ANXA11: variants seen among roughly 807,000 people sequenced by gnomAD.
ANXA11 encodes the protein annexin A11.
In ANXA11, 57 loss-of-function variants were observed where a neutral mutation model predicts 64.7. That is an observed-to-expected ratio of 0.88 (90% CI 0.71 to 1.10). ANXA11 has a LOEUF of 1.10. Ranked by LOEUF, ANXA11 falls within the 50% of genes least tolerant of loss-of-function variation. ANXA11 has a pLI of 0.00. For synonymous variants in ANXA11, 260 were observed against 265.2 expected (o/e 0.98, Z 0.19); for missense variants, 675 against 670.7 (o/e 1.01, Z -0.07).
At chr10:80,199,854 C>T (rs910604511) in intron 1 of ANXA11, among the ~76,000 whole-genome samples, 16 of 152,170 alleles carry the variant, frequency 1.1e-4, no homozygotes, top group Admixed American at 4.6e-4. Flanking sequence ...AAGGCATAGC[C>T]TAGTCCAGCC....
chr10:80,158,161 T>TG, intron 13 of ANXA11, 136 bp from the exon 14 acceptor site: 1 of 791,104 alleles, frequency 1.3e-6, no homozygotes, highest in East Asian at 2.5e-5. Context: ...CTCCTCCTTC[T>TG]GTTCCAGGCT....
At chr10:80,180,647 T>TG (rs1049792221) in intron 1 of ANXA11, among the ~76,000 whole-genome samples, 2 of 151,108 alleles carry the variant, frequency 1.3e-5, no homozygotes, top group Non-Finnish European at 3.0e-5. Context: ...TATATTAGTT[T>TG]TTTTTTTTTT....
chr10:80,194,310 C>T (rs1322478414), intron 1 of ANXA11, among the ~76,000 whole-genome samples: 2 of 152,120 alleles, frequency 1.3e-5, no homozygotes, highest in South Asian at 2.1e-4. Context: ...GCTACAAGTC[C>T]GGGGACCTGA....
intron 1 of ANXA11, among the ~76,000 whole-genome samples, chr10:80,187,427 C>T (rs1846583636): frequency 6.6e-6 from 1 of 152,212 alleles, no homozygotes; most frequent in South Asian, 2.1e-4. Flanking sequence ...CTTCCAGCCT[C>T]CAGAACTGTG....
chr10:80,159,100 C>T lies in ANXA11; in HGVS notation c.1276G>A (p.Val426Met). The change falls in exon 13 of 16, where the codon GTG becomes ATG. Residue 426 changes from valine (V) to methionine (M), a missense_variant and splice_region_variant. Transcript: ENST00000422982. ...TGGGCGGCAAACCTGAGACACTTAC[C>T]CACGGCCAGCATGCCCTCCTCCAGG... ...GDLEEGMLAVVKCLKNTPAFF... is the reference protein window; with the variant it reads ...GDLEEGMLAVMKCLKNTPAFF... The T allele has an allele frequency of 6.2e-7, 1 of 1,613,596 alleles. No individual in the cohort carries two copies. The highest frequency in any genetic ancestry group is 8.5e-7 in the Non-Finnish European group (1 of 1,179,712).
At chr10:80,203,692 G>C (rs921325596) in intron 1 of ANXA11, among the ~76,000 whole-genome samples, 4 of 152,122 alleles carry the variant, frequency 2.6e-5, no homozygotes, top group Admixed American at 6.5e-5. Context: ...TGAGAACCGA[G>C]TCAGTGCCAG....
At chr10:80,171,436 T>C (rs138047854) in intron 3 of ANXA11, among the ~76,000 whole-genome samples, 1 of 152,246 alleles carries the variant, frequency 6.6e-6, no homozygotes, top group East Asian at 1.9e-4. Context: ...TAAACACAGA[T>C]ACCAGTCCAC....
chr10:80,164,355 A>G (rs565526834), intron 8 of ANXA11, among the ~76,000 whole-genome samples: 4 of 152,294 alleles, frequency 2.6e-5, no homozygotes, highest in African/African-American at 7.2e-5. Flanking sequence ...GGTGATGAGT[A>G]GGGCTCACAC....
Position 80,163,580 on chromosome 10 carries a change from C to A in ANXA11, c.983G>T (p.Ser328Ile). ...FKKTLEEAIR[S>I]DTSGHFQRLL... ...CCGCTGGAAGTGCCCTGATGTGTCG[C>A]TTCGAATGGCCTCTTCCAGGGTCTT... is the stretch of plus-strand genomic sequence containing the variant. Residue 328 changes from serine (S) to isoleucine (I), a missense_variant, in exon 10 of 16, where the codon AGC becomes ATC. Coordinates refer to ENST00000422982, the MANE Select transcript of ANXA11 (RefSeq NM_145868.2). The A allele has an allele frequency of 6.4e-7, 1 of 1,565,558 alleles. No individual in the cohort carries two copies. The highest frequency in any genetic ancestry group is 8.7e-7 in the Non-Finnish European group (1 of 1,154,618).
At chr10:80,189,042 C>T (rs1379913717) in intron 1 of ANXA11, among the ~76,000 whole-genome samples, 1 of 152,158 alleles carries the variant, frequency 6.6e-6, no homozygotes. Flanking sequence ...AAAGACATCC[C>T]CGGTACCTGT....
chr10:80,166,228 A>G (rs990931809), intron 7 of ANXA11, 31 bp from the exon 8 acceptor site: 1 of 1,215,010 alleles, frequency 8.2e-7, no homozygotes, highest in Admixed American at 2.3e-5. Context: ...ACAACCAACA[A>G]AAAAAAAAAC....
At chr10:80,171,913 C>T in intron 3 of ANXA11, 1 of 985,542 alleles carries the variant, frequency 1.0e-6, no homozygotes, top group Non-Finnish European at 1.2e-6. Flanking sequence ...GGCAGTGGCC[C>T]AGCTCAGCCC....
At chr10:80,196,361 C>T (rs1045644742) in intron 1 of ANXA11, among the ~76,000 whole-genome samples, 2 of 152,220 alleles carry the variant, frequency 1.3e-5, no homozygotes, top group Admixed American at 6.5e-5. Flanking sequence ...CCACCTGCCA[C>T]AGGGCTGGCA....
rs554331151 is a variant in ANXA11, at chr10:80,153,834, G to C, written c.*2019C>G. 1 of 152,352 alleles carries C rather than the reference G, an allele frequency of 6.6e-6. No individual in the cohort carries two copies. The highest frequency in any genetic ancestry group is 2.4e-5 in the African/African-American group (1 of 41,572). 9.4% of individuals were successfully genotyped at this position (152,352 alleles called of 1,614,324 possible). ...TGTCATTCTTCCTTTATGTTTAGGGGGTAGTCCTCAAGCAAATGTCTGCAG... is the reference window on the plus strand; with the variant it reads ...TGTCATTCTTCCTTTATGTTTAGGGCGTAGTCCTCAAGCAAATGTCTGCAG... On this transcript the variant is annotated 3_prime_UTR_variant, in exon 16 of 16. Transcript: ENST00000422982.
intron 8 of ANXA11, among the ~76,000 whole-genome samples, chr10:80,165,107 T>C (rs957105390): frequency 2.6e-5 from 4 of 152,168 alleles, no homozygotes; most frequent in African/African-American, 7.2e-5. Context: ...GATGTCTGGG[T>C]CCACTCCCTG....
rs956151491 is a variant in ANXA11 at position 80,154,420 on chromosome 10, A to G, written c.*1433T>C. 1 of 152,174 alleles carries G rather than the reference A, an allele frequency of 6.6e-6. No homozygotes were observed. The highest frequency in any genetic ancestry group is 2.4e-5 in the African/African-American group (1 of 41,438). The allele number at this position is 152,174 out of a possible 1,614,324, so 9.4% of individuals were successfully genotyped here. On this transcript the variant is annotated 3_prime_UTR_variant, in exon 16 of 16. Coordinates refer to ENST00000422982, the MANE Select transcript of ANXA11 (RefSeq NM_145868.2). Reference sequence around the variant, plus strand: ...CCTGGCCAAATTTTTTAGTAGAGACAGGGGTCTCGCTGTTGGCTAGGCTAG... The same window carrying G: ...CCTGGCCAAATTTTTTAGTAGAGACGGGGGTCTCGCTGTTGGCTAGGCTAG...
intron 1 of ANXA11, among the ~76,000 whole-genome samples, chr10:80,203,719 C>CA (rs1220638977): frequency 6.6e-6 from 1 of 152,192 alleles, no homozygotes; most frequent in Non-Finnish European, 1.5e-5. Flanking sequence ...TGAGTGAGCT[C>CA]AGAGCATATC....
intron 1 of ANXA11, among the ~76,000 whole-genome samples, chr10:80,203,044 C>CA (rs11444706): frequency 0.072 from 6,134 of 85,056 alleles, 204 homozygotes; most frequent in East Asian, 0.13. Context: ...AAATCTGTCT[C>CA]AAAAAAAAAA....
chr10:80,171,573 G>C lies in ANXA11; in HGVS notation c.56-658C>G, dbSNP rs185991252. ...CAGCTTACAAATGGGCTAATGGTGA[G>C]TGTATGCCTAGACTGCTGTGACGAA... On this transcript the variant is annotated intron_variant, in intron 3 of 15. Coordinates refer to ENST00000422982, the MANE Select transcript of ANXA11 (RefSeq NM_145868.2). 9.3e-4 allele frequency: 879 copies of C among 946,126 alleles called. 3 individuals carry two copies. The Middle Eastern group carries it at 0.025, about 27-fold the overall frequency. The allele number at this position is 946,126 out of a possible 1,614,324, so 58.6% of individuals were successfully genotyped here. A position where few individuals can be genotyped will look rare whatever the true frequency, so the allele number is the denominator to read the frequency against.
Sources: allele counts gnomAD v4.1 joint callset (sites outside exome capture counted in the v4.1 genomes callset), GRCh38; gene constraint gnomAD v4.1.1; transcripts MANE v1.5; gene names NCBI Gene and HGNC (gene_info 2026-07-23, HGNC 2026-07-21).